Variants in RALY observed in about 807,000 individuals in gnomAD.
RALY encodes RALY heterogeneous nuclear ribonucleoprotein, also known as RNA-binding protein Raly.
RALY carries 15 observed loss-of-function variants against 30.7 expected under a neutral mutation model. The ratio of observed to expected loss-of-function variants is 0.49; its 90% CI spans 0.33 to 0.75. The LOEUF (loss-of-function observed/expected upper bound fraction) is 0.75. Ranked by LOEUF, RALY falls within the 30% of genes least tolerant of loss-of-function variation. The pLI, the probability that RALY is intolerant of heterozygous loss-of-function variation, is 0.02. For missense variants in RALY, 339 were observed against 414.3 expected, an observed-to-expected ratio of 0.82 and a Z score of 1.58; for synonymous variants, 177 against 170.8, an observed-to-expected ratio of 1.04 and a Z score of -0.28.
intron 2 of RALY, among the ~76,000 whole-genome samples, chr20:34,040,076 A>T (rs187788925): frequency 6.6e-6 from 1 of 151,876 alleles, no homozygotes; most frequent in Non-Finnish European, 1.5e-5. Context: ...CCACCACTGC[A>T]CTCCAGCCTG....
intron 2 of RALY, among the ~76,000 whole-genome samples, chr20:34,068,904 C>T (rs1335036239): frequency 6.6e-6 from 1 of 152,238 alleles, no homozygotes; most frequent in Non-Finnish European, 1.5e-5. Context: ...AACTGTAGCA[C>T]ATCCCACTTT....
intron 5 of RALY, 148 bp from the exon 6 acceptor site, chr20:34,075,726 T>G (rs2033855436): frequency 1.1e-6 from 1 of 879,560 alleles, no homozygotes; most frequent in African/African-American, 1.7e-5. Context: ...CCCTTCCTCT[T>G]CACTCCAGGG....
chr20:34,045,017 C>T (rs2032830916), intron 2 of RALY, among the ~76,000 whole-genome samples: 1 of 151,996 alleles, frequency 6.6e-6, no homozygotes, highest in South Asian at 2.1e-4. Flanking sequence ...TTAAGCAATC[C>T]TCCCACCTCA....
intron 3 of RALY, among the ~76,000 whole-genome samples, chr20:34,072,731 G>A (rs2033762787): frequency 6.6e-6 from 1 of 152,204 alleles, no homozygotes; most frequent in South Asian, 2.1e-4. Context: ...GCTTGGTTTT[G>A]GTGTCATGTC....
intron 2 of RALY, among the ~76,000 whole-genome samples, chr20:34,061,496 AGT>A (rs1407843040): frequency 1.3e-5 from 2 of 152,214 alleles, no homozygotes; most frequent in Non-Finnish European, 2.9e-5. Flanking sequence ...TGTTACTCAA[AGT>A]GAAGTTTAAA....
intron 2 of RALY, among the ~76,000 whole-genome samples, chr20:34,052,984 G>C (rs145828799): frequency 6.6e-6 from 1 of 152,120 alleles, no homozygotes; most frequent in Non-Finnish European, 1.5e-5. Flanking sequence ...ATTTAGTGGG[G>C]CTATCCTTGC....
intron 2 of RALY, among the ~76,000 whole-genome samples, chr20:34,047,320 A>G (rs541910543): frequency 6.6e-6 from 1 of 152,308 alleles, no homozygotes; most frequent in East Asian, 1.9e-4. Context: ...GAGCCATTAG[A>G]TCAAGAATTG....
At position 34,029,235 on chromosome 20, in the gene RALY, T is replaced by C. The variant is rs534003083; in HGVS notation, c.-92-2287T>C. ...GGTGGATCACCTGAGGTTGGGAGCT[T>C]GAGACCAGCCTGACTAACATGAAGA... On this transcript the variant is annotated intron_variant, in intron 1 of 9. Transcript: ENST00000246194. Among the ~76,000 whole-genome samples, 645 of 152,042 alleles carry C rather than the reference T, an allele frequency of 4.2e-3. 6 individuals are homozygous for C. The highest frequency in any genetic ancestry group is 0.015 in the African/African-American group (616 of 41,460).
intron 2 of RALY, among the ~76,000 whole-genome samples, chr20:34,035,878 G>A (rs1242456319): frequency 3.3e-5 from 5 of 152,204 alleles, no homozygotes; most frequent in Non-Finnish European, 5.9e-5. Flanking sequence ...AATAAAATTT[G>A]TGCAGAAATA....
chr20:34,052,893 C>G (rs550853263), intron 2 of RALY, among the ~76,000 whole-genome samples: 4 of 152,122 alleles, frequency 2.6e-5, no homozygotes, highest in East Asian at 3.8e-4. Flanking sequence ...CCTCTGTCAC[C>G]GTCTCCATCA....
chr20:34,065,226 C>T (rs1418427515), intron 2 of RALY: 1 of 152,208 alleles, frequency 6.6e-6, no homozygotes, highest in Non-Finnish European at 1.5e-5. Context: ...TTTGATAGTA[C>T]ATTACAGATG....
intron 2 of RALY, among the ~76,000 whole-genome samples, chr20:34,032,029 C>T (rs2032299913): frequency 6.6e-6 from 1 of 152,214 alleles, no homozygotes; most frequent in African/African-American, 2.4e-5. Context: ...ATGGCACGAT[C>T]TCGGCTCAAT....
At chr20:34,035,152 C>CAAAAAAAAAAAA (rs61301033) in intron 2 of RALY, among the ~76,000 whole-genome samples, 2 of 32,524 alleles carry the variant, frequency 6.1e-5, no homozygotes, top group East Asian at 3.9e-3. Context: ...GACTCCATCT[C>CAAAAAAAAAAAA]AAAAAAAAAA....
At chr20:33,997,958 C>T (rs1005064372) in intron 1 of RALY, among the ~76,000 whole-genome samples, 4 of 152,174 alleles carry the variant, frequency 2.6e-5, no homozygotes, top group Non-Finnish European at 5.9e-5. Context: ...ACAAATATGA[C>T]CCATGAGGTC....
At chr20:34,060,792 G>C (rs1193288649) in intron 2 of RALY, among the ~76,000 whole-genome samples, 1 of 152,174 alleles carries the variant, frequency 6.6e-6, no homozygotes, top group Admixed American at 6.5e-5. Flanking sequence ...GACCCACTCA[G>C]CTCTGAGTTA....
intron 2 of RALY, among the ~76,000 whole-genome samples, chr20:34,071,144 A>G (rs2033714883): frequency 6.6e-6 from 1 of 152,146 alleles, no homozygotes; most frequent in South Asian, 2.1e-4. Context: ...CCCCACCTCC[A>G]GCACTGGGGA....
chr20:34,066,099 C>T (rs1250464536), intron 2 of RALY, among the ~76,000 whole-genome samples: 1 of 151,158 alleles, frequency 6.6e-6, no homozygotes, highest in African/African-American at 2.4e-5. Flanking sequence ...AGCCTTGATT[C>T]AGGACCCCTA....
At chr20:34,031,330 A>G (rs6059639) in intron 1 of RALY, among the ~76,000 whole-genome samples, 192 bp from the exon 2 acceptor site, 112,292 of 151,396 alleles carry the variant, frequency 0.74, 42,066 homozygotes, top group South Asian at 0.85. Context: ...CAAAGTGCTG[A>G]GATTACAGGC....
chr20:34,026,027 T>C (rs961161654), intron 1 of RALY, among the ~76,000 whole-genome samples: 2 of 149,028 alleles, frequency 1.3e-5, no homozygotes, highest in African/African-American at 4.9e-5. Context: ...CAAGGAACGA[T>C]ATACTCCCAA....
Sources: allele counts gnomAD v4.1 joint callset (sites outside exome capture counted in the v4.1 genomes callset), GRCh38; gene constraint gnomAD v4.1.1; transcripts MANE v1.5; gene names NCBI Gene and HGNC (gene_info 2026-07-23, HGNC 2026-07-21).